The following FOCAD variants were observed in gnomAD, a reference collection of about 807,000 sequenced individuals.
FOCAD encodes the protein KIAA1797.
In FOCAD, 198 loss-of-function variants were observed where a neutral mutation model predicts 225.6. That is an observed-to-expected ratio of 0.88 (90% CI 0.78 to 0.99). The LOEUF is 0.99. Ranked by LOEUF, FOCAD falls within the 50% of genes least tolerant of loss-of-function variation. FOCAD has a pLI of 0.00. For synonymous variants in FOCAD, 897 were observed against 755.0 expected, an observed-to-expected ratio of 1.19 and a Z score of -3.08; for missense variants, 2,713 against 2,123.6, an observed-to-expected ratio of 1.28 and a Z score of -5.46.
chr9:20,722,903 CATTGTGTAGT>C (rs1825897882), intron 4 of FOCAD, among the ~76,000 whole-genome samples: 6 of 152,026 alleles, frequency 3.9e-5, no homozygotes, highest in Admixed American at 1.3e-4. Flanking sequence ...AATGTAATTG[CATTGTGTAGT>C]TGTACTATTT....
At chr9:20,972,406 G>A (rs1441407146) in intron 35 of FOCAD, among the ~76,000 whole-genome samples, 1 of 151,900 alleles carries the variant, frequency 6.6e-6, no homozygotes, top group African/African-American at 2.4e-5. Context: ...TAGTGATATT[G>A]GTCATCTTCA....
At chr9:20,753,303 A>G (rs1006762479) in intron 5 of FOCAD, among the ~76,000 whole-genome samples, 2 of 151,870 alleles carry the variant, frequency 1.3e-5, no homozygotes, top group African/African-American at 4.8e-5. Flanking sequence ...GGTTTGTCAT[A>G]GATAGCTCTT....
At chr9:20,901,174 T>TC (rs1388146384) in intron 21 of FOCAD, among the ~76,000 whole-genome samples, 1 of 148,140 alleles carries the variant, frequency 6.8e-6, no homozygotes, top group African/African-American at 2.5e-5. Flanking sequence ...GGTTTTTTTT[T>TC]CTGGGAATGT....
chr9:20,827,493 CGT>C (rs372926136), intron 15 of FOCAD, among the ~76,000 whole-genome samples: 22 of 149,836 alleles, frequency 1.5e-4, no homozygotes, highest in East Asian at 5.9e-4. Context: ...AAAATTGTGG[CGT>C]GTGTGTGTGT....
intron 35 of FOCAD, among the ~76,000 whole-genome samples, chr9:20,974,092 C>A (rs1298563300): frequency 6.7e-6 from 1 of 148,976 alleles, no homozygotes; most frequent in Non-Finnish European, 1.5e-5. Flanking sequence ...GCCCTACTTC[C>A]CCCTTCTTTC....
chr9:20,935,792 T>G (rs1170668164), intron 28 of FOCAD, among the ~76,000 whole-genome samples: 1 of 152,230 alleles, frequency 6.6e-6, no homozygotes, highest in Non-Finnish European at 1.5e-5. Context: ...TGTGAAATCA[T>G]GTGCCTAAGA....
chr9:20,914,556 A>T lies in FOCAD; in HGVS notation c.2807+1602A>T, dbSNP rs2132070910. On this transcript the variant is annotated intron_variant, in intron 23 of 43. Coordinates refer to ENST00000338382, the MANE Select transcript of FOCAD (RefSeq NM_001375567.1). Reference sequence around the variant, plus strand: ...AAGTGGTGGAGTGAGCCAAGCTGATATCTGGAGAAGAGCATTCTAGGAAGA... The same window carrying T: ...AAGTGGTGGAGTGAGCCAAGCTGATTTCTGGAGAAGAGCATTCTAGGAAGA... Among the ~76,000 whole-genome samples, 2 of 152,278 alleles carry T rather than the reference A, an allele frequency of 1.3e-5. 1 individual carries two copies. The highest frequency in any genetic ancestry group is 4.1e-4 in the South Asian group (2 of 4,824).
intron 5 of FOCAD, among the ~76,000 whole-genome samples, chr9:20,745,135 G>A (rs941529008): frequency 9.3e-5 from 14 of 150,098 alleles, no homozygotes; most frequent in African/African-American, 3.2e-4. Flanking sequence ...TTTGAGACAG[G>A]GTCTCACTCT....
Position 20,799,617 on chromosome 9 carries a change from G to C in FOCAD, c.1455+10009G>C, listed in dbSNP as rs554269463. ...CATTATGTAATGGCCTTCTTTGTCT[G>C]TTTTGATCTTTGTTGGTTTAAAGTC... On this transcript the variant is annotated intron_variant, in intron 11 of 43. Transcript: ENST00000338382. Among the ~76,000 whole-genome samples, 16 of 151,544 alleles carry C rather than the reference G, an allele frequency of 1.1e-4. No individual in the cohort carries two copies. The East Asian group carries it at 1.7e-3, about 16-fold the overall frequency.
intron 39 of FOCAD, among the ~76,000 whole-genome samples, chr9:20,983,531 C>T (rs1840897339): frequency 1.4e-5 from 2 of 148,146 alleles, no homozygotes; most frequent in African/African-American, 5.0e-5. Context: ...GAGATCCCAC[C>T]ACTGTACTCC....
intron 28 of FOCAD, among the ~76,000 whole-genome samples, chr9:20,938,548 G>A (rs1430247540): frequency 6.7e-6 from 1 of 149,056 alleles, no homozygotes; most frequent in African/African-American, 2.5e-5. Context: ...ATGGACACAG[G>A]AAGCGGAACA....
chr9:20,831,338 C>T (rs1167887783), intron 15 of FOCAD, among the ~76,000 whole-genome samples: 1 of 152,028 alleles, frequency 6.6e-6, no homozygotes, highest in Non-Finnish European at 1.5e-5. Flanking sequence ...CTCTTTCAAA[C>T]CCTGTCTGTT....
At chr9:20,956,069 C>T (rs941702352) in intron 35 of FOCAD, among the ~76,000 whole-genome samples, 63 of 152,134 alleles carry the variant, frequency 4.1e-4, no homozygotes, top group African/African-American at 1.3e-3. Context: ...TTATGAATGG[C>T]TTTCTTTCTT....
chr9:20,986,017 T>G (rs1841118505), intron 39 of FOCAD, among the ~76,000 whole-genome samples: 2 of 152,214 alleles, frequency 1.3e-5, no homozygotes, highest in African/African-American at 4.8e-5. Flanking sequence ...ATCATTTTAT[T>G]ATTATTGTTT....
In FOCAD at chr9:20,881,892, C is replaced by A. The variant is rs1193268780; in HGVS notation, c.2339C>A (p.Ser780Ter). Residue 780 changes from serine (S) to a stop codon, truncating the protein, a stop_gained, in exon 20 of 44, where the codon TCA becomes TAA. Transcript: ENST00000338382. LOFTEE classifies it high-confidence loss of function. ...VLPALEEFFT[S>*]LVKQEMVNMP... ...TTAGCTTTGGAGGAATTTTTTACAT[C>A]ACTTGTGAAGCAAGAAATGGTGAAT... 6.2e-7 allele frequency: 1 copy of A among 1,612,638 alleles called. No individual in the cohort carries two copies. Among genetic ancestry groups the A allele is most frequent in the Non-Finnish European group, 8.5e-7 (1 of 1,179,556 alleles).
rs201120976 is a variant in FOCAD at position 20,715,402 on chromosome 9, C to A, written c.49C>A (p.Gln17Lys). ...GTTTGAATTTCCAAATTCTCTTATC[C>A]AATCACAGGTAATTTTGTTTGTTTA... ...KRFEFPNSLIQSQAVGHLIAA... is the reference protein window; with the variant it reads ...KRFEFPNSLIKSQAVGHLIAA... Residue 17 changes from glutamine to lysine, a missense_variant, in exon 2 of 44, where the codon CAA becomes AAA. By Grantham distance (53) the Gln-to-Lys change is moderately conservative. Coordinates refer to ENST00000338382, the MANE Select transcript of FOCAD (RefSeq NM_001375567.1). The A allele has an allele frequency of 6.3e-5, 95 of 1,511,334 alleles. No homozygotes were observed. Among genetic ancestry groups the A allele is most frequent in the Non-Finnish European group, 8.1e-5 (91 of 1,122,012 alleles). The allele number at this position is 1,511,334 out of a possible 1,614,324, so 93.6% of individuals were successfully genotyped here. A position where few individuals can be genotyped will look rare whatever the true frequency, so the allele number is the denominator to read the frequency against.
At chr9:20,932,173 T>C (rs1835544460) in intron 27 of FOCAD, among the ~76,000 whole-genome samples, 1 of 152,136 alleles carries the variant, frequency 6.6e-6, no homozygotes, top group Non-Finnish European at 1.5e-5. Flanking sequence ...GTGTGTGTGA[T>C]ATGAGGGGTG....
intron 35 of FOCAD, among the ~76,000 whole-genome samples, chr9:20,955,522 CT>C (rs10715548): frequency 0.91 from 123,793 of 136,610 alleles, 56,271 homozygotes; most frequent in South Asian, 0.96. Flanking sequence ...ATAACTGGGT[CT>C]TTTTTTTTTT....
intron 1 of FOCAD, among the ~76,000 whole-genome samples, chr9:20,713,711 T>C (rs1222679980): frequency 6.6e-6 from 1 of 152,224 alleles, no homozygotes; most frequent in Non-Finnish European, 1.5e-5. Context: ...ATTTGTTAAA[T>C]GAGTGAATGA....
Sources: allele counts gnomAD v4.1 joint callset (sites outside exome capture counted in the v4.1 genomes callset), GRCh38; gene constraint gnomAD v4.1.1; transcripts MANE v1.5; gene names NCBI Gene and HGNC (gene_info 2026-07-23, HGNC 2026-07-21).